The following SPOCK1 variants were observed in gnomAD, a reference collection of about 807,000 sequenced individuals.
The protein encoded by SPOCK1 is SPARC (osteonectin), cwcv and kazal like domains proteoglycan 1.
In SPOCK1, 23 loss-of-function variants were observed where a neutral mutation model predicts 55.3. The ratio of observed to expected loss-of-function variants is 0.42; its 90% CI spans 0.30 to 0.59. The LOEUF is 0.59. SPOCK1 is among the 20% of genes least tolerant of loss of function. The pLI is 0.22. For missense variants in SPOCK1, 499 were observed against 552.5 expected (o/e 0.90, Z 0.97); for synonymous variants, 226 against 221.0 (o/e 1.02, Z -0.20).
At chr5:137,110,779 C>T (rs1753452147) in intron 5 of SPOCK1, among the ~76,000 whole-genome samples, 1 of 152,040 alleles carries the variant, frequency 6.6e-6, no homozygotes, top group Admixed American at 6.6e-5. Flanking sequence ...TCTTTTATTC[C>T]CATTATGTTA....
chr5:137,377,361 A>G (rs1751341057), intron 2 of SPOCK1, among the ~76,000 whole-genome samples: 1 of 152,120 alleles, frequency 6.6e-6, no homozygotes, highest in Admixed American at 6.5e-5. Flanking sequence ...CTGAGACAGG[A>G]GCACTCAGTG....
chr5:137,039,135 G>GAGGTATTGTT (rs1231918475), intron 6 of SPOCK1, among the ~76,000 whole-genome samples: 1 of 152,140 alleles, frequency 6.6e-6, no homozygotes, highest in African/African-American at 2.4e-5. Flanking sequence ...ACTCCACGAG[G>GAGGTATTGTT]AGGTATTGTT....
intron 2 of SPOCK1, among the ~76,000 whole-genome samples, chr5:137,348,757 C>A (rs549487250): frequency 6.6e-6 from 1 of 152,274 alleles, no homozygotes; most frequent in East Asian, 1.9e-4. Flanking sequence ...ATGGAGCACA[C>A]GGACTTGTTC....
At chr5:137,317,115 G>A (rs1757892841) in intron 2 of SPOCK1, among the ~76,000 whole-genome samples, 1 of 152,220 alleles carries the variant, frequency 6.6e-6, no homozygotes. Flanking sequence ...GGCTGAGGCA[G>A]AGGGGCATGT....
intron 3 of SPOCK1, among the ~76,000 whole-genome samples, chr5:137,243,807 T>G (rs1756338802): frequency 6.6e-6 from 1 of 152,164 alleles, no homozygotes; most frequent in Non-Finnish European, 1.5e-5. Context: ...CCAGAACTAA[T>G]GATTCCATAA....
At chr5:137,283,640 A>T (rs560421471) in intron 2 of SPOCK1, among the ~76,000 whole-genome samples, 4 of 152,078 alleles carry the variant, frequency 2.6e-5, no homozygotes, top group African/African-American at 9.6e-5. Flanking sequence ...ACTTGAACCC[A>T]GGAGGTGGAG....
intron 2 of SPOCK1, among the ~76,000 whole-genome samples, chr5:137,310,897 G>A (rs938594720): frequency 6.6e-6 from 1 of 152,158 alleles, no homozygotes; most frequent in African/African-American, 2.4e-5. Flanking sequence ...CCAGATGCAG[G>A]TAACACACAG....
Position 136,976,254 on chromosome 5 carries a change from C to A in SPOCK1, c.*2400G>T, listed in dbSNP as rs1478905370. On this transcript the variant is annotated 3_prime_UTR_variant, in exon 11 of 11. Transcript: ENST00000394945. Reference sequence around the variant, plus strand: ...GCTCCATCGATTTGGGGGTTCCAATCTGAGGAGGGCTTTTTATTTAATGTT... The same window carrying A: ...GCTCCATCGATTTGGGGGTTCCAATATGAGGAGGGCTTTTTATTTAATGTT... 2 of 152,264 alleles carry A rather than the reference C, an allele frequency of 1.3e-5. No homozygotes were observed. 9.4% of individuals were successfully genotyped at this position (152,264 alleles called of 1,614,324 possible).
intron 2 of SPOCK1, among the ~76,000 whole-genome samples, chr5:137,481,577 T>C (rs1753951443): frequency 6.6e-6 from 1 of 152,252 alleles, no homozygotes; most frequent in Non-Finnish European, 1.5e-5. Flanking sequence ...TACATGCATT[T>C]CACATAAACA....
chr5:137,477,520 C>CA (rs1297227761), intron 2 of SPOCK1, among the ~76,000 whole-genome samples: 2 of 152,196 alleles, frequency 1.3e-5, no homozygotes, highest in Non-Finnish European at 2.9e-5. Flanking sequence ...AGCCAACTTG[C>CA]ACCTCTAGCT....
chr5:137,481,007 C>CT (rs1410493721), intron 2 of SPOCK1, among the ~76,000 whole-genome samples: 2 of 152,188 alleles, frequency 1.3e-5, no homozygotes, highest in African/African-American at 4.8e-5. Context: ...ACTGAAACTT[C>CT]TCACGAATTC....
At chr5:137,415,044 A>C (rs1752300990) in intron 2 of SPOCK1, among the ~76,000 whole-genome samples, 1 of 152,240 alleles carries the variant, frequency 6.6e-6, no homozygotes, top group Non-Finnish European at 1.5e-5. Flanking sequence ...CACAGTTACA[A>C]GTAAGCCAGA....
chr5:137,493,818 C>T lies in SPOCK1; in HGVS notation c.186+4555G>A, dbSNP rs376106891. 1.6e-4 allele frequency among the ~76,000 whole-genome samples: 24 copies of T among 152,276 alleles called. No individual in the cohort carries two copies. The East Asian group carries it at 2.7e-3, about 17-fold the overall frequency. ...CCATACCACCTCTTTTGTCACCAGC[C>T]CCACTGACTGGGCCAGCCACTATTT... On this transcript the variant is annotated intron_variant, in intron 2 of 10. Transcript: ENST00000394945.
At chr5:137,170,708 T>C (rs56066735) in intron 3 of SPOCK1, among the ~76,000 whole-genome samples, 19,321 of 152,106 alleles carry the variant, frequency 0.13, 1,414 homozygotes, top group East Asian at 0.23. Context: ...CAGGAGCTAA[T>C]TATGCTGCCT....
At chr5:136,981,588 A>G (rs558713389) in intron 9 of SPOCK1, among the ~76,000 whole-genome samples, 4 of 152,150 alleles carry the variant, frequency 2.6e-5, no homozygotes, top group Non-Finnish European at 5.9e-5. Flanking sequence ...TATTCATGAA[A>G]CCAAATGTAT....
At chr5:137,110,459 G>C (rs1249924324) in intron 5 of SPOCK1, among the ~76,000 whole-genome samples, 2 of 152,216 alleles carry the variant, frequency 1.3e-5, no homozygotes, top group Admixed American at 1.3e-4. Context: ...TTAAGTGAAA[G>C]ACAATGATGG....
At chr5:137,335,774 C>G (rs558895221) in intron 2 of SPOCK1, among the ~76,000 whole-genome samples, 2 of 152,372 alleles carry the variant, frequency 1.3e-5, no homozygotes, top group South Asian at 4.1e-4. Context: ...CATGTGCACA[C>G]ACACCAGTCC....
intron 2 of SPOCK1, among the ~76,000 whole-genome samples, chr5:137,435,031 C>T (rs1294352248): frequency 6.6e-6 from 1 of 152,204 alleles, no homozygotes; most frequent in Non-Finnish European, 1.5e-5. Context: ...TAACATTTTG[C>T]ACTTACTTCC....
intron 2 of SPOCK1, among the ~76,000 whole-genome samples, chr5:137,452,324 C>T (rs1219730385): frequency 6.6e-6 from 1 of 152,134 alleles, no homozygotes; most frequent in Non-Finnish European, 1.5e-5. Context: ...ATTCTGCTGG[C>T]TTGTTGCTGT....
Sources: allele counts gnomAD v4.1 joint callset (sites outside exome capture counted in the v4.1 genomes callset), GRCh38; gene constraint gnomAD v4.1.1; transcripts MANE v1.5; gene names NCBI Gene and HGNC (gene_info 2026-07-23, HGNC 2026-07-21).